The following AACS variants were observed in gnomAD, a reference collection of about 807,000 sequenced individuals.
AACS encodes the protein acetoacetyl-CoA synthetase.
In AACS, 69 loss-of-function variants were observed where a neutral mutation model predicts 83.1. The ratio of observed to expected loss-of-function variants is 0.83; its 90% confidence interval spans 0.68 to 1.01. AACS has a LOEUF of 1.01. AACS is among the 50% of genes least tolerant of loss of function. AACS has a pLI of 0.00. For missense variants in AACS, 866 were observed against 882.2 expected, an observed-to-expected ratio of 0.98 and a Z score of 0.23; for synonymous variants, 333 against 343.4, an observed-to-expected ratio of 0.97 and a Z score of 0.33.
intron 8 of AACS, among the ~76,000 whole-genome samples, chr12:125,111,852 A>C (rs906481906): frequency 4.6e-5 from 7 of 152,358 alleles, no homozygotes; most frequent in Middle Eastern, 3.4e-3. Flanking sequence ...GAATTAAGGG[A>C]AAAACGATGG....
chr12:125,108,815 G>A (rs1400236508), intron 8 of AACS, among the ~76,000 whole-genome samples: 1 of 149,680 alleles, frequency 6.7e-6, no homozygotes, highest in Non-Finnish European at 1.5e-5. Context: ...TTATAGGCGT[G>A]TGCCGCTATG....
chr12:125,067,675 A>T (rs1056587685), intron 1 of AACS, among the ~76,000 whole-genome samples: 4 of 152,032 alleles, frequency 2.6e-5, no homozygotes, highest in Non-Finnish European at 5.9e-5. Context: ...CTGGGATTAC[A>T]GGTGCCTGCC....
intron 4 of AACS, among the ~76,000 whole-genome samples, chr12:125,087,586 C>T (rs767540832): frequency 8.5e-5 from 13 of 152,238 alleles, no homozygotes; most frequent in South Asian, 2.1e-4. Context: ...CCACAGGGGG[C>T]GGGTGGCAGG....
intron 14 of AACS, among the ~76,000 whole-genome samples, chr12:125,131,891 C>T (rs1345749460): frequency 1.3e-5 from 2 of 152,218 alleles, no homozygotes; most frequent in Non-Finnish European, 2.9e-5. Flanking sequence ...GCCACCAGGC[C>T]TGACCACTTT....
At chr12:125,076,347 T>A in intron 2 of AACS, 144 bp from the exon 3 acceptor site, 1 of 1,153,904 alleles carries the variant, frequency 8.7e-7, no homozygotes, top group South Asian at 1.5e-5. Context: ...CATAAAATGA[T>A]TTAAAAATGC....
rs545760509 is a variant in AACS at position 125,070,583 on chromosome 12, G to A, written c.134-3293G>A. Among the ~76,000 whole-genome samples, 6 of 152,322 alleles carry A rather than the reference G, an allele frequency of 3.9e-5. No homozygotes were observed. In the South Asian group the frequency reaches 1.2e-3, roughly 32 times the overall value. On this transcript the variant is annotated intron_variant, in intron 1 of 17. Coordinates refer to ENST00000316519, the MANE Select transcript of AACS (RefSeq NM_023928.5). ...GGGCTGGCCAAGATTCTCGTAGGTG[G>A]AGAGGAAGAAGGGCTGAAAATTCAG...
rs1385512985 is a variant in AACS at position 125,129,488 on chromosome 12, G to A, written c.1549+28G>A. ...CGGTTGGAGAGATGCAGACAGAGCT[G>A]GCCAGCCTCTGCCTTGGCTGGGCCT... On this transcript the variant is annotated intron_variant, in intron 14 of 17. Coordinates refer to ENST00000316519, the MANE Select transcript of AACS (RefSeq NM_023928.5). The surrounding 1 kb of genome is among the most constrained non-coding windows in gnomAD (Gnocchi z 4.3). The A allele has an allele frequency of 1.2e-6, 2 of 1,607,594 alleles. No homozygotes were observed. Among genetic ancestry groups the A allele is most frequent in the South Asian group, 1.1e-5 (1 of 89,854 alleles).
intron 3 of AACS, among the ~76,000 whole-genome samples, chr12:125,085,139 G>A (rs1211879769): frequency 6.6e-6 from 1 of 152,242 alleles, no homozygotes; most frequent in African/African-American, 2.4e-5. Flanking sequence ...GTTTGGGGTG[G>A]TGGAAATGTC....
intron 10 of AACS, chr12:125,121,475 G>A (rs2136121110): frequency 6.6e-6 from 1 of 152,374 alleles, no homozygotes; most frequent in African/African-American, 2.4e-5. Context: ...AATGAGGGGT[G>A]AGATCTCTGT....
At chr12:125,135,383 C>T (rs1957387311) in intron 16 of AACS, among the ~76,000 whole-genome samples, 1 of 152,300 alleles carries the variant, frequency 6.6e-6, no homozygotes, top group African/African-American at 2.4e-5. Context: ...GCATGAGCCA[C>T]CACGCCCGGC....
At chr12:125,138,059 G>A (rs1430459028) in intron 17 of AACS, among the ~76,000 whole-genome samples, 1 of 152,192 alleles carries the variant, frequency 6.6e-6, no homozygotes, top group Non-Finnish European at 1.5e-5. Context: ...CCAGGAGTGG[G>A]GGCTGGGGAG....
At chr12:125,082,566 AT>A (rs11362507) in intron 3 of AACS, among the ~76,000 whole-genome samples, 151,110 of 151,158 alleles carry the variant, frequency 1, 75,531 homozygotes, top group Middle Eastern at 1. Flanking sequence ...TCACACCTGT[AT>A]ATCCCAGCAC....
At chr12:125,142,010 TTGGGGCCTG>T (rs1220803081) in intron 17 of AACS, 73 bp from the exon 18 acceptor site, 2 of 1,556,390 alleles carry the variant, frequency 1.3e-6, no homozygotes, top group Non-Finnish European at 1.7e-6. Flanking sequence ...AGCTGGGCCT[TTGGGGCCTG>T]GATATATCCA....
At chr12:125,073,215 A>G (rs889297580) in intron 1 of AACS, among the ~76,000 whole-genome samples, 1 of 152,132 alleles carries the variant, frequency 6.6e-6, no homozygotes. Context: ...GGCGTGAGCC[A>G]CCGCGTCTGG....
At chr12:125,072,919 GTTTTTTT>G (rs200182531) in intron 1 of AACS, among the ~76,000 whole-genome samples, 8 of 90,386 alleles carry the variant, frequency 8.9e-5, no homozygotes, top group Non-Finnish European at 1.5e-4. Flanking sequence ...TGTAACTTTT[GTTTTTTT>G]TTTTTTTTTT....
chr12:125,130,870 G>T lies in AACS; in HGVS notation c.1549+1410G>T, dbSNP rs749143984. Among the ~76,000 whole-genome samples, 2 of 152,120 alleles carry T rather than the reference G, an allele frequency of 1.3e-5. No homozygotes were observed. The highest frequency in any genetic ancestry group is 2.4e-5 in the African/African-American group (1 of 41,416). ...TCCAATACTTCCTGAGTGTAGGTGA[G>T]AGATATGAATAAATATGGAAAGACA... On this transcript the variant is annotated intron_variant, in intron 14 of 17. Transcript: ENST00000316519. This position sits in a 1 kb window ranked among gnomAD's most constrained non-coding sequence, Gnocchi z 4.9.
At chr12:125,085,327 C>T (rs1458682881) in intron 3 of AACS, among the ~76,000 whole-genome samples, 2 of 152,124 alleles carry the variant, frequency 1.3e-5, no homozygotes, top group Non-Finnish European at 2.9e-5. Flanking sequence ...GAACCACACA[C>T]GTGCACATTG....
intron 7 of AACS, 113 bp from the exon 8 acceptor site, chr12:125,107,008 A>G: frequency 6.7e-7 from 1 of 1,495,628 alleles, no homozygotes; most frequent in Non-Finnish European, 9.1e-7. Flanking sequence ...GTCCCCCTGG[A>G]ATCCTGGCTT....
At chr12:125,133,665 T>C (rs1375007851) in intron 14 of AACS, among the ~76,000 whole-genome samples, 1 of 152,198 alleles carries the variant, frequency 6.6e-6, no homozygotes, top group Non-Finnish European at 1.5e-5. Context: ...GCTTATTCTT[T>C]CCTGTGCTAC....
Sources: allele counts gnomAD v4.1 joint callset (sites outside exome capture counted in the v4.1 genomes callset), GRCh38; gene constraint gnomAD v4.1.1; non-coding constraint Gnocchi (gnomAD v3.1); transcripts MANE v1.5; gene names NCBI Gene and HGNC (gene_info 2026-07-23, HGNC 2026-07-21).